The following NFKB1 variants were observed in gnomAD, a reference collection of about 807,000 sequenced individuals.
The protein encoded by NFKB1 is nuclear factor NF-kappa-B p105 subunit.
A neutral mutation model predicts 105.1 loss-of-function variants in NFKB1; 9 were observed. The ratio of observed to expected loss-of-function variants is 0.09; its 90% CI spans 0.05 to 0.15. The LOEUF (loss-of-function observed/expected upper bound fraction) is 0.15, where lower values mean the gene tolerates loss of function less well. NFKB1 is among the 10% of genes least tolerant of loss of function. The pLI, the probability that NFKB1 is intolerant of heterozygous loss-of-function variation, is 1.00. For missense variants in NFKB1, 830 were observed against 1,203.7 expected (o/e 0.69, Z 4.59); for synonymous variants, 440 against 442.2 (o/e 1.00, Z 0.06).
intron 16 of NFKB1, among the ~76,000 whole-genome samples, chr4:102,606,226 T>C (rs897830714): frequency 6.6e-6 from 1 of 152,252 alleles, no homozygotes; most frequent in Non-Finnish European, 1.5e-5. Flanking sequence ...CTCATAAATA[T>C]ATACAATTAC....
chr4:102,525,632 T>C, intron 2 of NFKB1, 75 bp downstream of exon 2: 1 of 1,305,888 alleles, frequency 7.7e-7, no homozygotes, highest in Non-Finnish European at 1.1e-6. Context: ...GCAACATTAG[T>C]AAGTTAGCAT....
chr4:102,564,785 A>T (rs1723722340), intron 5 of NFKB1, among the ~76,000 whole-genome samples: 1 of 152,184 alleles, frequency 6.6e-6, no homozygotes. Flanking sequence ...GTCCTATTAA[A>T]TTGGAAAGCC....
intron 5 of NFKB1, among the ~76,000 whole-genome samples, chr4:102,549,680 C>T (rs1455330063): frequency 6.6e-6 from 1 of 152,012 alleles, no homozygotes; most frequent in Non-Finnish European, 1.5e-5. Context: ...ATATTCACAA[C>T]TGAATTTCAA....
chr4:102,578,109 C>A, intron 7 of NFKB1: 1 of 438,058 alleles, frequency 2.3e-6, no homozygotes, highest in Non-Finnish European at 3.0e-6. Flanking sequence ...TGCCTTGGCA[C>A]ATTCTTTCTA....
At chr4:102,521,903 TTA>T (rs1482977523) in intron 1 of NFKB1, among the ~76,000 whole-genome samples, 2 of 152,238 alleles carry the variant, frequency 1.3e-5, no homozygotes, top group Non-Finnish European at 2.9e-5. Context: ...ACTGGCTATT[TTA>T]TTTGTTGCTA....
intron 1 of NFKB1, among the ~76,000 whole-genome samples, chr4:102,521,771 T>TG (rs1295730518): frequency 6.6e-6 from 1 of 152,170 alleles, no homozygotes; most frequent in Non-Finnish European, 1.5e-5. Flanking sequence ...TTGGTGTTAG[T>TG]GGGGGCATTG....
At chr4:102,513,534 G>A (rs1238385787) in intron 1 of NFKB1, among the ~76,000 whole-genome samples, 1 of 152,090 alleles carries the variant, frequency 6.6e-6, no homozygotes, top group Non-Finnish European at 1.5e-5. Flanking sequence ...GAACACGTTG[G>A]AATGCATTCT....
intron 11 of NFKB1, among the ~76,000 whole-genome samples, chr4:102,588,469 A>G (rs1299429394): frequency 1.3e-5 from 2 of 152,156 alleles, no homozygotes; most frequent in African/African-American, 2.4e-5. Flanking sequence ...AAAAAATAAA[A>G]GAGACCATAA....
intron 5 of NFKB1, among the ~76,000 whole-genome samples, chr4:102,551,342 A>G (rs1012882369): frequency 7.1e-6 from 1 of 140,428 alleles, no homozygotes; most frequent in Non-Finnish European, 1.5e-5. Context: ...AGGATATTCT[A>G]AATTGGTGTG....
At chr4:102,552,072 A>T (rs547285161) in intron 5 of NFKB1, among the ~76,000 whole-genome samples, 1 of 152,308 alleles carries the variant, frequency 6.6e-6, no homozygotes, top group African/African-American at 2.4e-5. Context: ...ACGATACATA[A>T]GACCAAGGAA....
intron 6 of NFKB1, among the ~76,000 whole-genome samples, chr4:102,575,525 A>G (rs986725597): frequency 3.3e-5 from 5 of 152,028 alleles, no homozygotes; most frequent in Admixed American, 1.3e-4. Context: ...ACTTCTGACA[A>G]CTTGCTCATT....
chr4:102,598,172 A>G (rs899010868), intron 15 of NFKB1, among the ~76,000 whole-genome samples: 4 of 152,206 alleles, frequency 2.6e-5, no homozygotes, highest in African/African-American at 9.6e-5. Flanking sequence ...TGACTGTTTC[A>G]GACTTTTGTG....
rs373398723 is a variant in NFKB1, at chr4:102,544,871, T to C, written c.258+6915T>C. Among the ~76,000 whole-genome samples the C allele has an allele frequency of 1.8e-4, 27 of 152,262 alleles. No individual in the cohort carries two copies. The South Asian group carries it at 3.5e-3, about 20-fold the overall frequency. On this transcript the variant is annotated intron_variant, in intron 5 of 23. Coordinates refer to ENST00000226574, the MANE Select transcript of NFKB1 (RefSeq NM_003998.4). ...TGTCTGAATTTTAAATTTTGTTTTGTCAGTTCTGGCTTGGTGACCTTCCTC... is the reference window on the plus strand; with the variant it reads ...TGTCTGAATTTTAAATTTTGTTTTGCCAGTTCTGGCTTGGTGACCTTCCTC...
intron 5 of NFKB1, among the ~76,000 whole-genome samples, chr4:102,547,472 AT>A (rs1722228893): frequency 6.6e-6 from 1 of 152,160 alleles, no homozygotes; most frequent in Non-Finnish European, 1.5e-5. Context: ...CTCTGAAGTC[AT>A]TTGGTTCAGG....
chr4:102,570,923 G>C (rs1040155281), intron 6 of NFKB1, among the ~76,000 whole-genome samples: 1 of 152,158 alleles, frequency 6.6e-6, no homozygotes, highest in African/African-American at 2.4e-5. Context: ...GTAATTTATA[G>C]ATTCAATGCC....
chr4:102,598,909 G>A (rs1015184768), intron 15 of NFKB1, among the ~76,000 whole-genome samples: 1 of 152,162 alleles, frequency 6.6e-6, no homozygotes, highest in African/African-American at 2.4e-5. Flanking sequence ...CTCTCAGAGA[G>A]GCCACAGATT....
At chr4:102,516,755 T>C (rs1447855330) in intron 1 of NFKB1, among the ~76,000 whole-genome samples, 2 of 152,242 alleles carry the variant, frequency 1.3e-5, no homozygotes, top group Non-Finnish European at 2.9e-5. Flanking sequence ...TATGTTTTAT[T>C]GTACATTGTG....
At chr4:102,616,387 T>C (rs757228817) in intron 23 of NFKB1, 47 bp from the exon 24 acceptor site, 2 of 1,603,530 alleles carry the variant, frequency 1.2e-6, no homozygotes, top group Non-Finnish European at 1.7e-6. Flanking sequence ...CATGAGCTTT[T>C]TAGAGCCCGG....
In NFKB1 at chr4:102,603,402, C is replaced by CTCTT. The variant is rs546397131; in HGVS notation, c.1752+2395_1752+2398dup. ...TATGATTTTTTTTTTATATCCTAAACTCTTTACTGTATCATTTGGTTACAT... is the reference window on the plus strand; with the variant it reads ...TATGATTTTTTTTTTATATCCTAAACTCTTTCTTTACTGTATCATTTGGTTACAT... On this transcript the variant is annotated intron_variant, in intron 16 of 23. Transcript: ENST00000226574. Among the ~76,000 whole-genome samples the CTCTT allele has an allele frequency of 4.3e-3, 657 of 151,870 alleles. 17 individuals carry two copies. The highest frequency in any genetic ancestry group is 0.041 in the Admixed American group (625 of 15,228).
Sources: allele counts gnomAD v4.1 joint callset (sites outside exome capture counted in the v4.1 genomes callset), GRCh38; gene constraint gnomAD v4.1.1; transcripts MANE v1.5; gene names NCBI Gene and HGNC (gene_info 2026-07-23, HGNC 2026-07-21).